The following EMCN variants were observed in gnomAD, a reference collection of about 807,000 sequenced individuals.
EMCN encodes endomucin, also known as MUC-14.
EMCN carries 37 observed loss-of-function variants against 38.4 expected under a neutral mutation model. That is an observed-to-expected ratio of 0.96 (90% CI 0.74 to 1.27). EMCN has a LOEUF of 1.27. Ranked by LOEUF, EMCN falls within the 50% of genes most tolerant of loss-of-function variation. The pLI is 0.00. For synonymous variants in EMCN, 95 were observed against 100.8 expected, an observed-to-expected ratio of 0.94 and a Z score of 0.35; for missense variants, 318 against 302.8, an observed-to-expected ratio of 1.05 and a Z score of -0.37.
intron 5 of EMCN, among the ~76,000 whole-genome samples, chr4:100,442,627 T>C (rs1937388584): frequency 6.6e-6 from 1 of 152,146 alleles, no homozygotes. Context: ...TCACAGATTT[T>C]ATCTTCTGAT....
At chr4:100,480,211 C>T (rs1015136611) in intron 1 of EMCN, among the ~76,000 whole-genome samples, 172 bp from the exon 2 acceptor site, 1 of 152,008 alleles carries the variant, frequency 6.6e-6, no homozygotes, top group Non-Finnish European at 1.5e-5. Flanking sequence ...TCTACTTCTC[C>T]CCAGTGGCAT....
chr4:100,458,892 T>C (rs1342097089), intron 4 of EMCN, among the ~76,000 whole-genome samples: 1 of 152,154 alleles, frequency 6.6e-6, no homozygotes, highest in African/African-American at 2.4e-5. Flanking sequence ...TGTTCTGTCT[T>C]GATGGTAAAA....
chr4:100,497,973 T>C (rs1465266348), intron 1 of EMCN, among the ~76,000 whole-genome samples: 2 of 152,122 alleles, frequency 1.3e-5, no homozygotes, highest in Admixed American at 1.3e-4. Flanking sequence ...GGTACTAGAG[T>C]GATGAGATCA....
At chr4:100,496,631 C>T (rs1001311350) in intron 1 of EMCN, among the ~76,000 whole-genome samples, 1 of 152,134 alleles carries the variant, frequency 6.6e-6, no homozygotes, top group Non-Finnish European at 1.5e-5. Context: ...CAGCTCTAGA[C>T]AGGTATCATT....
At chr4:100,476,600 A>G (rs989162227) in intron 2 of EMCN, among the ~76,000 whole-genome samples, 2 of 152,230 alleles carry the variant, frequency 1.3e-5, no homozygotes, top group African/African-American at 4.8e-5. Context: ...TCATTAAGAT[A>G]TCATAATTTT....
At chr4:100,411,343 G>T (rs1319800722) in intron 10 of EMCN, among the ~76,000 whole-genome samples, 1 of 152,112 alleles carries the variant, frequency 6.6e-6, no homozygotes, top group Non-Finnish European at 1.5e-5. Context: ...CACCTGCTTG[G>T]AACCCACGGC....
intron 5 of EMCN, among the ~76,000 whole-genome samples, chr4:100,430,487 T>C (rs1249533035): frequency 1.3e-5 from 2 of 152,212 alleles, no homozygotes; most frequent in East Asian, 3.8e-4. Context: ...AACCAGACCA[T>C]GCAGATAGAA....
intron 8 of EMCN, among the ~76,000 whole-genome samples, chr4:100,419,752 G>A (rs548159797): frequency 6.6e-6 from 1 of 152,088 alleles, no homozygotes; most frequent in Non-Finnish European, 1.5e-5. Flanking sequence ...AAGGAGACAT[G>A]TTTCAGACAT....
chr4:100,422,483 G>A (rs927954920), intron 7 of EMCN, among the ~76,000 whole-genome samples: 1 of 151,950 alleles, frequency 6.6e-6, no homozygotes, highest in Non-Finnish European at 1.5e-5. Context: ...ACACATAAAT[G>A]TTATATGACA....
chr4:100,435,983 T>C (rs1578193034), intron 5 of EMCN, among the ~76,000 whole-genome samples: 1 of 151,946 alleles, frequency 6.6e-6, no homozygotes, highest in Non-Finnish European at 1.5e-5. Flanking sequence ...GATTTCATGA[T>C]GAAAATGACA....
chr4:100,460,128 T>C (rs960508409), intron 4 of EMCN, among the ~76,000 whole-genome samples: 4 of 152,208 alleles, frequency 2.6e-5, no homozygotes, highest in African/African-American at 9.6e-5. Context: ...CTAACAGGTA[T>C]GAGGTGATAA....
chr4:100,425,426 T>C (rs1180141920), intron 5 of EMCN, among the ~76,000 whole-genome samples: 1 of 152,066 alleles, frequency 6.6e-6, no homozygotes, highest in East Asian at 1.9e-4. Context: ...CCAGAGGAAG[T>C]ATAGGAGAGC....
At chr4:100,491,834 G>T (rs1231113574) in intron 1 of EMCN, among the ~76,000 whole-genome samples, 1 of 152,196 alleles carries the variant, frequency 6.6e-6, no homozygotes, top group Non-Finnish European at 1.5e-5. Flanking sequence ...TCAAAAGCAG[G>T]CTCTCTCTGA....
intron 3 of EMCN, among the ~76,000 whole-genome samples, chr4:100,466,998 T>C (rs1578212685): frequency 1.3e-5 from 2 of 151,490 alleles, no homozygotes; most frequent in Admixed American, 6.6e-5. Context: ...AGAGTATATA[T>C]AGCTAAGAAA....
rs1392635563 is a variant in EMCN at position 100,512,968 on chromosome 4, TG to T, written c.64+4882del. The stretch of plus-strand genomic sequence containing the variant: ...TTATTCACAAGTTAAAATATTTGGC[TG>T]CAGCTTGAAATGTAACTTCACCAAT... On this transcript the variant is annotated intron_variant, in intron 1 of 11. Coordinates refer to ENST00000296420, the MANE Select transcript of EMCN (RefSeq NM_016242.4). Among the ~76,000 whole-genome samples, 11 of 152,172 alleles carry T rather than the reference TG, an allele frequency of 7.2e-5. No homozygotes were observed. In the East Asian group the frequency reaches 1.5e-3, roughly 21 times the overall value.
chr4:100,444,301 C>G (rs892401551), intron 5 of EMCN, among the ~76,000 whole-genome samples: 43 of 152,172 alleles, frequency 2.8e-4, no homozygotes, highest in Non-Finnish European at 4.6e-4. Context: ...CCTCTGGATG[C>G]CTGTGGGGTA....
At chr4:100,482,340 C>T (rs1305148630) in intron 1 of EMCN, among the ~76,000 whole-genome samples, 1 of 151,742 alleles carries the variant, frequency 6.6e-6, no homozygotes, top group Non-Finnish European at 1.5e-5. Context: ...GAAATGTGTG[C>T]CAATGCAAAA....
rs1335823495 is a variant in EMCN, at chr4:100,398,017, T to C, written c.*396A>G. The C allele has an allele frequency of 6.6e-6, 1 of 150,742 alleles. No homozygotes were observed. The highest frequency in any genetic ancestry group is 2.0e-4 in the East Asian group (1 of 5,060). 9.3% of individuals were successfully genotyped at this position (150,742 alleles called of 1,614,324 possible). A position where few individuals can be genotyped will look rare whatever the true frequency, so the allele number is the denominator to read the frequency against. On this transcript the variant is annotated 3_prime_UTR_variant, in exon 12 of 12. Coordinates refer to ENST00000296420, the MANE Select transcript of EMCN (RefSeq NM_016242.4). ...GGTAATATAAGAACACTGAGAAAAG[T>C]AGGAAAGTCTTCATGGATAAAAATT...
intron 1 of EMCN, among the ~76,000 whole-genome samples, chr4:100,501,673 T>C (rs1170285575): frequency 6.6e-6 from 1 of 152,166 alleles, no homozygotes; most frequent in Non-Finnish European, 1.5e-5. Flanking sequence ...TAAAGTGTTA[T>C]AATTATTCTC....
Sources: allele counts gnomAD v4.1 joint callset (sites outside exome capture counted in the v4.1 genomes callset), GRCh38; gene constraint gnomAD v4.1.1; transcripts MANE v1.5; gene names NCBI Gene and HGNC (gene_info 2026-07-23, HGNC 2026-07-21).